Variants in ITPRID1 observed in about 807,000 individuals in gnomAD.
ITPRID1 encodes the protein protein ITPRID1.
In ITPRID1, 96 loss-of-function variants were observed where a neutral mutation model predicts 95.4. The observed-to-expected ratio is 1.01, with a 90% CI of 0.85 to 1.19. ITPRID1 has a LOEUF of 1.19. ITPRID1 is among the 50% of genes most tolerant of loss of function. The pLI, the probability that ITPRID1 is intolerant of heterozygous loss-of-function variation, is 0.00. For missense variants in ITPRID1, 1,339 were observed against 1,252.9 expected, an observed-to-expected ratio of 1.07 and a Z score of -1.04; for synonymous variants, 510 against 453.6, an observed-to-expected ratio of 1.12 and a Z score of -1.58.
intron 1 of ITPRID1, among the ~76,000 whole-genome samples, chr7:31,543,047 T>C (rs1783982062): frequency 6.6e-6 from 1 of 152,118 alleles, no homozygotes; most frequent in African/African-American, 2.4e-5. Context: ...GTTATGTTTT[T>C]GTTGTTGTTT....
chr7:31,626,167 T>C lies in ITPRID1; in HGVS notation c.1229-16009T>C, dbSNP rs575403743. Among the ~76,000 whole-genome samples, 22 of 152,346 alleles carry C rather than the reference T, an allele frequency of 1.4e-4. 2 individuals are homozygous for C. The South Asian group carries it at 4.6e-3, about 32-fold the overall frequency. On this transcript the variant is annotated intron_variant, in intron 10 of 14. Transcript: ENST00000615280. ...TCCCATCTAAAAATCTGTGACTATGTGTATGCATCTTTGGGCTTTCTTTTT... is the reference window on the plus strand; with the variant it reads ...TCCCATCTAAAAATCTGTGACTATGCGTATGCATCTTTGGGCTTTCTTTTT...
chr7:31,527,128 G>A (rs971465523), intron 1 of ITPRID1, among the ~76,000 whole-genome samples: 4 of 152,090 alleles, frequency 2.6e-5, no homozygotes, highest in Non-Finnish European at 5.9e-5. Flanking sequence ...CTTTGCACAT[G>A]CTGTTCTCTC....
chr7:31,574,730 C>A lies in ITPRID1; in HGVS notation c.586C>A (p.Pro196Thr). The A allele has an allele frequency of 6.2e-6, 10 of 1,613,708 alleles. No individual in the cohort carries two copies. Among genetic ancestry groups the A allele is most frequent in the Non-Finnish European group, 8.5e-6 (10 of 1,179,762 alleles). Reference protein sequence around the residue: ...AQKQRMDIENPNLYGRFRQLE... With the variant: ...AQKQRMDIENTNLYGRFRQLE... Reference sequence around the variant, plus strand: ...AAAGCAGCGAATGGACATTGAGAACCCCAACTTGTACGGTAAGCGAGGTGC... The same window carrying A: ...AAAGCAGCGAATGGACATTGAGAACACCAACTTGTACGGTAAGCGAGGTGC... Residue 196 changes from proline to threonine, a missense_variant, in exon 8 of 15, where the codon CCC becomes ACC. Physicochemically the swap from Pro to Thr is conservative, Grantham distance 38 (BLOSUM62 -1). Coordinates refer to ENST00000615280, the MANE Select transcript of ITPRID1 (RefSeq NM_001257967.3).
At chr7:31,566,399 A>T (rs192195781) in intron 5 of ITPRID1, among the ~76,000 whole-genome samples, 1 of 152,344 alleles carries the variant, frequency 6.6e-6, no homozygotes, top group Admixed American at 6.5e-5. Flanking sequence ...AGACCAAAGC[A>T]GTGGCAAGAA....
chr7:31,537,088 G>A (rs926785540), intron 1 of ITPRID1, among the ~76,000 whole-genome samples: 1 of 117,816 alleles, frequency 8.5e-6, no homozygotes, highest in Non-Finnish European at 1.7e-5. Flanking sequence ...CCTAGAAGGT[G>A]TGTGTGTTGT....
At chr7:31,630,120 G>T (rs1788856171) in intron 10 of ITPRID1, among the ~76,000 whole-genome samples, 1 of 151,008 alleles carries the variant, frequency 6.6e-6, no homozygotes, top group Non-Finnish European at 1.5e-5. Context: ...TTAATTCTTG[G>T]TGTTTGAAAT....
intron 10 of ITPRID1, among the ~76,000 whole-genome samples, chr7:31,607,014 G>A (rs574923332): frequency 1.4e-4 from 22 of 152,084 alleles, no homozygotes; most frequent in Admixed American, 4.6e-4. Context: ...TCATCCTTGG[G>A]TTTCTCTTTG....
At chr7:31,587,760 CA>C (rs1428732092) in intron 10 of ITPRID1, among the ~76,000 whole-genome samples, 1 of 150,236 alleles carries the variant, frequency 6.7e-6, no homozygotes, top group African/African-American at 2.5e-5. Context: ...CTACAGTAAC[CA>C]AAACAGCATG....
At position 31,653,035 on chromosome 7, in the gene ITPRID1, C is replaced by G. The variant is rs1372847902; in HGVS notation, c.*206C>G. On this transcript the variant is annotated 3_prime_UTR_variant, in exon 15 of 15. Coordinates refer to ENST00000615280, the MANE Select transcript of ITPRID1 (RefSeq NM_001257967.3). ...AGAATAACTGAGCACCTAGTATGTG[C>G]CTGGCACAGAGTATGCAACAGTGAC... is the stretch of plus-strand genomic sequence containing the variant. 1 of 1,317,906 alleles carries G rather than the reference C, an allele frequency of 7.6e-7. No individual in the cohort carries two copies. The highest frequency in any genetic ancestry group is 1.5e-5 in the African/African-American group (1 of 67,546). The allele number at this position is 1,317,906 out of a possible 1,614,324, so 81.6% of individuals were successfully genotyped here.
intron 10 of ITPRID1, among the ~76,000 whole-genome samples, chr7:31,600,045 C>T (rs1456601752): frequency 6.6e-6 from 1 of 152,040 alleles, no homozygotes; most frequent in South Asian, 2.1e-4. Context: ...CCAAATATTT[C>T]ACAAAGTATT....
chr7:31,574,244 G>A (rs1785096070), intron 7 of ITPRID1, among the ~76,000 whole-genome samples: 1 of 151,228 alleles, frequency 6.6e-6, no homozygotes, highest in Non-Finnish European at 1.5e-5. Context: ...GCCTCTGGCT[G>A]GTATCTGTCC....
rs58632355 is a variant in ITPRID1 at position 31,595,345 on chromosome 7, T to TACACACACACACACACACACACACACAC, written c.1228+12155_1228+12182dup. On this transcript the variant is annotated intron_variant, in intron 10 of 14. Transcript: ENST00000615280. ...CAGGTGTGAGCCACCATGCCCGGCC[T>TACACACACACACACACACACACACACAC]ACACACACACACACACACACACACA... is the stretch of plus-strand genomic sequence containing the variant. 1.3e-3 allele frequency among the ~76,000 whole-genome samples: 187 copies of TACACACACACACACACACACACACACAC among 147,138 alleles called. 2 individuals carry two copies. Among genetic ancestry groups the TACACACACACACACACACACACACACAC allele is most frequent in the African/African-American group, 4.0e-3 (159 of 39,612 alleles).
chr7:31,521,476 T>C (rs1783247065), intron 1 of ITPRID1, among the ~76,000 whole-genome samples: 1 of 152,210 alleles, frequency 6.6e-6, no homozygotes, highest in South Asian at 2.1e-4. Context: ...GTGTATTGCA[T>C]AACCTAGAAT....
chr7:31,654,914 A>G lies in ITPRID1; in HGVS notation c.*2085A>G, dbSNP rs1312829970. On this transcript the variant is annotated 3_prime_UTR_variant, in exon 15 of 15. Coordinates refer to ENST00000615280, the MANE Select transcript of ITPRID1 (RefSeq NM_001257967.3). ...TTCCTTGCTTTTTGGAAAGCCTTTG[A>G]CTCAGCGGGGCCTTCCTACCCTTGG... Among the ~76,000 whole-genome samples the G allele has an allele frequency of 6.6e-6, 1 of 152,038 alleles. No homozygotes were observed. Among genetic ancestry groups the G allele is most frequent in the Non-Finnish European group, 1.5e-5 (1 of 68,004 alleles).
At chr7:31,651,302 C>T (rs374782070) in intron 13 of ITPRID1, 33 bp downstream of exon 13, 154 of 1,605,522 alleles carry the variant, frequency 9.6e-5, no homozygotes, top group Non-Finnish European at 1.3e-4. Context: ...AAAGTAAGTA[C>T]CAGCCCACAC....
chr7:31,618,790 GT>G (rs1325253506), intron 10 of ITPRID1, among the ~76,000 whole-genome samples: 4 of 152,192 alleles, frequency 2.6e-5, no homozygotes. Context: ...TGAAACCCAG[GT>G]TCCTCTGACT....
chr7:31,619,528 C>G (rs1787597914), intron 10 of ITPRID1, among the ~76,000 whole-genome samples: 1 of 107,048 alleles, frequency 9.3e-6, no homozygotes, highest in South Asian at 4.2e-4. Flanking sequence ...GATTTATTTT[C>G]AATCTCCAAA....
At chr7:31,601,738 G>A (rs1222241291) in intron 10 of ITPRID1, among the ~76,000 whole-genome samples, 3 of 152,184 alleles carry the variant, frequency 2.0e-5, no homozygotes, top group African/African-American at 2.4e-5. Flanking sequence ...AGGGACGAGA[G>A]TGCCCATCTC....
At chr7:31,603,671 G>A (rs763443557) in intron 10 of ITPRID1, among the ~76,000 whole-genome samples, 11 of 152,142 alleles carry the variant, frequency 7.2e-5, no homozygotes, top group South Asian at 2.1e-4. Context: ...GTGAATCCCC[G>A]TAGAATTGAA....
Sources: allele counts gnomAD v4.1 joint callset (sites outside exome capture counted in the v4.1 genomes callset), GRCh38; gene constraint gnomAD v4.1.1; transcripts MANE v1.5; gene names NCBI Gene and HGNC (gene_info 2026-07-23, HGNC 2026-07-21).